The following KCNG3 variants were observed in gnomAD, a reference collection of about 807,000 sequenced individuals.
The protein encoded by KCNG3 is voltage-gated potassium channel regulatory subunit KCNG3.
In KCNG3, 15 loss-of-function variants were observed where a neutral mutation model predicts 29.0. The ratio of observed to expected loss-of-function variants is 0.52; its 90% CI spans 0.35 to 0.80. The LOEUF is 0.80. Ranked by LOEUF, KCNG3 falls within the 30% of genes least tolerant of loss-of-function variation. KCNG3 has a pLI of 0.01. For synonymous variants in KCNG3, 322 were observed against 248.9 expected, an observed-to-expected ratio of 1.29 and a Z score of -2.76; for missense variants, 512 against 605.7, an observed-to-expected ratio of 0.85 and a Z score of 1.62.
chr2:42,492,909 T>C lies in KCNG3; in HGVS notation c.593A>G (p.Asn198Ser), dbSNP rs758261687. The change falls in exon 1 of 2, where the codon AAC (asparagine) becomes AGC (serine). Residue 198 changes from asparagine (N) to serine (S), a missense_variant. Transcript: ENST00000306078. ...LCASTLPDWR[N>S]AAADNRSLDD... ...CAGGCTGCGGTTGTCGGCGGCTGCG[T>C]TGCGCCAGTCGGGCAACGTGCTGGC... The C allele has an allele frequency of 2.5e-6, 4 of 1,579,586 alleles. No homozygotes were observed. Among genetic ancestry groups the C allele is most frequent in the South Asian group, 2.3e-5 (2 of 86,740 alleles).
At chr2:42,391,621 G>C in the KCNG3 span, among the ~76,000 whole-genome samples, 7 of 6,450 alleles carry the variant, frequency 1.1e-3, no homozygotes, top group African/African-American at 2.2e-3. Context: ...TTTTTTTTTT[G>C]AGACGGAGTC....
chr2:42,478,842 A>T (rs1325089607), intron 1 of KCNG3, among the ~76,000 whole-genome samples: 1 of 152,088 alleles, frequency 6.6e-6, no homozygotes, highest in Non-Finnish European at 1.5e-5. Flanking sequence ...ATCCCAGTTT[A>T]TTTCATATAA....
At chr2:42,449,777 T>C (rs1172157297) in intron 1 of KCNG3, among the ~76,000 whole-genome samples, 1 of 152,128 alleles carries the variant, frequency 6.6e-6, no homozygotes. Context: ...GTTGCTATCT[T>C]AGGTAGTAAA....
the KCNG3 span, among the ~76,000 whole-genome samples, chr2:42,405,319 T>C: frequency 2.0e-5 from 3 of 152,204 alleles, no homozygotes; most frequent in East Asian, 1.9e-4. Flanking sequence ...TTCAAAAGAA[T>C]TGCTTTTGGT....
At chr2:42,439,275 TGAGA>T (rs1553325537), downstream of KCNG3, among the ~76,000 whole-genome samples, 47 of 151,348 alleles carry the variant, frequency 3.1e-4, no homozygotes, top group Admixed American at 1.8e-3. Context: ...ATGATTTTTT[TGAGA>T]GAGAGAGAGT....
At chr2:42,471,856 C>T (rs1240975691) in intron 1 of KCNG3, among the ~76,000 whole-genome samples, 2 of 145,140 alleles carry the variant, frequency 1.4e-5, no homozygotes, top group Non-Finnish European at 3.0e-5. Context: ...TGCACTCCAG[C>T]CTAAGTGACA....
At chr2:42,445,018 G>C (rs1219991765) in intron 1 of KCNG3, among the ~76,000 whole-genome samples, 6 of 148,466 alleles carry the variant, frequency 4.0e-5, no homozygotes. Context: ...AGTGAGCCAT[G>C]ACTGTGCCAC....
the KCNG3 span, among the ~76,000 whole-genome samples, chr2:42,404,206 C>T: frequency 0.18 from 27,811 of 152,076 alleles, 3,023 homozygotes; most frequent in African/African-American, 0.31. Context: ...TGGTAATTTA[C>T]ATTTTCTAGG....
the KCNG3 span, among the ~76,000 whole-genome samples, chr2:42,407,105 T>C: frequency 6.6e-6 from 1 of 151,842 alleles, no homozygotes; most frequent in Non-Finnish European, 1.5e-5. Context: ...CATGCTTCTA[T>C]ACAAATCTAC....
intron 1 of KCNG3, among the ~76,000 whole-genome samples, chr2:42,469,609 C>A (rs999841808): frequency 6.6e-6 from 1 of 151,794 alleles, no homozygotes; most frequent in African/African-American, 2.4e-5. Context: ...GGACTAAAGA[C>A]TCAATTTGAA....
At chr2:42,415,222 T>C in the KCNG3 span, among the ~76,000 whole-genome samples, 1 of 152,284 alleles carries the variant, frequency 6.6e-6, no homozygotes, top group South Asian at 2.1e-4. Context: ...CCCATTCAGA[T>C]AGCATGATTC....
chr2:42,444,050 C>A lies in KCNG3; in HGVS notation c.1195G>T (p.Val399Phe). Residue 399 changes from valine (V) to phenylalanine (F), a missense_variant, in exon 2 of 2, where the codon GTT (valine) becomes TTT (phenylalanine). Val to Phe is a conservative substitution (Grantham distance 50). Transcript: ENST00000306078. The surrounding 1 kb of genome is among the most constrained non-coding windows in gnomAD (Gnocchi z 5.8). ...AAAGTGATAGGTAATGCCAATAGAA[C>A]AATTCCACTGACAACACAAACTCCT... is the stretch of plus-strand genomic sequence containing the variant. Reference protein sequence around the residue: ...LGGVCVVSGIVLLALPITFIY... With the variant: ...LGGVCVVSGIFLLALPITFIY... The A allele has an allele frequency of 6.2e-7, 1 of 1,614,164 alleles. No individual in the cohort carries two copies. Among genetic ancestry groups the A allele is most frequent in the Non-Finnish European group, 8.5e-7 (1 of 1,180,030 alleles).
Position 42,493,191 on chromosome 2 carries a change from T to C in KCNG3, c.311A>G (p.Glu104Gly), listed in dbSNP as rs1317749552. ...GCAGCAGTACTCGAGGTGCGCGCCC[T>C]CCAGGCCCCAGTAGATCATCTCGTT... Reference protein sequence around the residue: ...FYNEMIYWGLEGAHLEYCCQR... With the variant: ...FYNEMIYWGLGGAHLEYCCQR... The change falls in exon 1 of 2, where the codon GAG (glutamate) becomes GGG (glycine). Residue 104 changes from glutamate (E) to glycine (G), a missense_variant. Physicochemically the swap from Glu to Gly is moderately conservative, Grantham distance 98. This residue lies in a region of KCNG3 where 228 missense variants were observed against 200.0 expected (regional missense o/e 1.14). Coordinates refer to ENST00000306078, the MANE Select transcript of KCNG3 (RefSeq NM_133329.6). 1.2e-6 allele frequency: 2 copies of C among 1,610,160 alleles called. No individual in the cohort carries two copies. Among genetic ancestry groups the C allele is most frequent in the South Asian group, 1.1e-5 (1 of 91,052 alleles).
At chr2:42,429,231 G>C in the KCNG3 span, among the ~76,000 whole-genome samples, 1 of 152,164 alleles carries the variant, frequency 6.6e-6, no homozygotes, top group Non-Finnish European at 1.5e-5. Context: ...GTTGGGGAAA[G>C]AATGTGGTAC....
chr2:42,473,411 C>G (rs1673341916), intron 1 of KCNG3, among the ~76,000 whole-genome samples: 1 of 148,416 alleles, frequency 6.7e-6, no homozygotes, highest in African/African-American at 2.5e-5. Flanking sequence ...GTTCAGTGGC[C>G]CGATCTCAGC....
At chr2:42,422,916 T>C in the KCNG3 span, among the ~76,000 whole-genome samples, 1 of 152,094 alleles carries the variant, frequency 6.6e-6, no homozygotes. Context: ...CCTCCTCTTA[T>C]CCAGTTTGGT....
the KCNG3 span, among the ~76,000 whole-genome samples, chr2:42,408,376 C>T: frequency 6.6e-6 from 1 of 152,114 alleles, no homozygotes; most frequent in Non-Finnish European, 1.5e-5. Context: ...GCTAATGGAG[C>T]AATTGGTGTG....
intron 1 of KCNG3, among the ~76,000 whole-genome samples, chr2:42,479,058 T>A (rs1053938775): frequency 2.0e-5 from 3 of 151,616 alleles, no homozygotes; most frequent in African/African-American, 4.8e-5. Flanking sequence ...CCTTTGAGCA[T>A]CATGTCAGCA....
In KCNG3 at chr2:42,442,185, T is replaced by G. The variant is rs753719880; in HGVS notation, c.*1749A>C. ...ATACAATAAATAACTGAATTTCTTTTGGGTATGTAAGAAGTAGCATACTAG... is the reference window on the plus strand; with the variant it reads ...ATACAATAAATAACTGAATTTCTTTGGGGTATGTAAGAAGTAGCATACTAG... On this transcript the variant is annotated 3_prime_UTR_variant, in exon 2 of 2. Transcript: ENST00000306078. 6.6e-6 allele frequency: 1 copy of G among 152,176 alleles called. No individual in the cohort carries two copies. Among genetic ancestry groups the G allele is most frequent in the South Asian group, 2.1e-4 (1 of 4,828 alleles). The allele number at this position is 152,176 out of a possible 1,614,324, so 9.4% of individuals were successfully genotyped here. A position where few individuals can be genotyped will look rare whatever the true frequency, so the allele number is the denominator to read the frequency against.
Sources: allele counts gnomAD v4.1 joint callset (sites outside exome capture counted in the v4.1 genomes callset), GRCh38; gene constraint gnomAD v4.1.1; regional missense constraint gnomAD v4.1.1; non-coding constraint Gnocchi (gnomAD v3.1); transcripts MANE v1.5; gene names NCBI Gene and HGNC (gene_info 2026-07-23, HGNC 2026-07-21).